Variants in ATP2B2 observed in about 807,000 individuals in gnomAD.
ATP2B2 encodes the protein plasma membrane calcium-transporting ATPase 2.
Under a neutral mutation model 120.0 loss-of-function variants are expected in ATP2B2, and 15 were observed. That is an observed-to-expected ratio of 0.12 (90% CI 0.08 to 0.19). The LOEUF is 0.19. ATP2B2 is among the 10% of genes least tolerant of loss of function. The pLI, the probability that ATP2B2 is intolerant of heterozygous loss-of-function variation, is 1.00. For missense variants in ATP2B2, 1,045 were observed against 1,719.8 expected (o/e 0.61, Z 6.94); for synonymous variants, 694 against 700.3 (o/e 0.99, Z 0.14).
chr3:10,457,079 G>T (rs1043382017), intron 1 of ATP2B2, among the ~76,000 whole-genome samples: 1 of 152,172 alleles, frequency 6.6e-6, no homozygotes, highest in Non-Finnish European at 1.5e-5. Flanking sequence ...AAGCAGGCAT[G>T]CCAATGTGAG....
chr3:10,449,381 C>T lies in ATP2B2; in HGVS notation c.163G>A (p.Ala55Thr). 3 of 1,614,258 alleles carry T rather than the reference C, an allele frequency of 1.9e-6. No homozygotes were observed. Among genetic ancestry groups the T allele is most frequent in the South Asian group, 2.2e-5 (2 of 91,088 alleles). The change falls in exon 2 of 23, where the codon GCC (alanine) becomes ACC (threonine). Residue 55 changes from alanine to threonine, a missense_variant. Physicochemically the swap from Ala to Thr is moderately conservative, Grantham distance 58 (BLOSUM62 0). Around this residue, in one of 11 missense-constraint regions of ATP2B2, gnomAD observed 139 missense variants for 134.2 expected, o/e 1.04. Coordinates refer to ENST00000360273, the MANE Select transcript of ATP2B2 (RefSeq NM_001001331.4). ...KIKETYGDTE[A>T]ICRRLKTSPV... The stretch of plus-strand genomic sequence containing the variant: ...GAGGTTTTGAGGCGCCGGCAGATGG[C>T]TTCGGTGTCCCCATAAGTCTCCTTG...
intron 1 of ATP2B2, among the ~76,000 whole-genome samples, chr3:10,629,123 A>G (rs2069791037): frequency 6.6e-6 from 1 of 152,144 alleles, no homozygotes; most frequent in Non-Finnish European, 1.5e-5. Flanking sequence ...CTTCGGGGCC[A>G]TTTCAAACAG....
intron 3 of ATP2B2, among the ~76,000 whole-genome samples, chr3:10,533,622 G>A (rs1344613382): frequency 6.6e-6 from 1 of 152,246 alleles, no homozygotes; most frequent in Non-Finnish European, 1.5e-5. Context: ...GCAGGCTGGG[G>A]CATGGCCCAG....
intron 12 of ATP2B2, among the ~76,000 whole-genome samples, chr3:10,371,250 G>A (rs913477982): frequency 4.6e-5 from 7 of 152,246 alleles, no homozygotes; most frequent in Non-Finnish European, 8.8e-5. Context: ...TTGTCGCCAT[G>A]TGAACAAGCC....
chr3:10,464,019 AC>A (rs1039409060), intron 1 of ATP2B2, among the ~76,000 whole-genome samples: 1 of 151,990 alleles, frequency 6.6e-6, no homozygotes, highest in Non-Finnish European at 1.5e-5. Context: ...CAGACCCCAG[AC>A]CCCAGACCCT....
At chr3:10,547,206 G>C (rs1044377210) in intron 2 of ATP2B2, among the ~76,000 whole-genome samples, 2 of 152,122 alleles carry the variant, frequency 1.3e-5, no homozygotes, top group African/African-American at 4.8e-5. Context: ...GGAAATAGCA[G>C]TGGGCTGGGA....
intron 12 of ATP2B2, among the ~76,000 whole-genome samples, chr3:10,361,182 T>A (rs1020446255): frequency 6.6e-6 from 1 of 152,196 alleles, no homozygotes; most frequent in Non-Finnish European, 1.5e-5. Context: ...GAAACTGCTA[T>A]TTTTGAATGT....
intron 2 of ATP2B2, among the ~76,000 whole-genome samples, chr3:10,602,329 A>G (rs1302546494): frequency 6.6e-6 from 1 of 152,186 alleles, no homozygotes; most frequent in Non-Finnish European, 1.5e-5. Context: ...AGTTTCTAAG[A>G]TGACGGCTGG....
In ATP2B2 at chr3:10,357,784, G is replaced by C. The variant is rs143320319; in HGVS notation, c.2136+907C>G. Among the ~76,000 whole-genome samples, 134 of 152,272 alleles carry C rather than the reference G, an allele frequency of 8.8e-4. 1 individual carries two copies. Among genetic ancestry groups the C allele is most frequent in the African/African-American group, 3.2e-3 (131 of 41,566 alleles). On this transcript the variant is annotated intron_variant, in intron 14 of 22. Coordinates refer to ENST00000360273, the MANE Select transcript of ATP2B2 (RefSeq NM_001001331.4). ...GCCTCATGCCCATGGTGCTCCCCTG[G>C]GGCCTCACAGTGTGAGCTGACTCAC...
At position 10,361,527 on chromosome 3, in the gene ATP2B2, G is replaced by A. The variant is rs141388454; in HGVS notation, c.1660-1404C>T. Among the ~76,000 whole-genome samples the A allele has an allele frequency of 2.9e-3, 447 of 152,252 alleles. 5 individuals carry two copies. The highest frequency in any genetic ancestry group is 0.01 in the African/African-American group (422 of 41,538). On this transcript the variant is annotated intron_variant, in intron 12 of 22. Transcript: ENST00000360273. Reference sequence around the variant, plus strand: ...GCTTCATGCTGGCCCTGTGCCCGCCGCAGGGCCGTGTGAACACCATTAGCT... The same window carrying A: ...GCTTCATGCTGGCCCTGTGCCCGCCACAGGGCCGTGTGAACACCATTAGCT...
intron 8 of ATP2B2, among the ~76,000 whole-genome samples, chr3:10,382,396 G>C (rs1468662143): frequency 1.3e-5 from 2 of 151,514 alleles, no homozygotes; most frequent in Non-Finnish European, 2.9e-5. Context: ...TCCTAGGCTG[G>C]AGTGCAGTGG....
chr3:10,367,170 G>A (rs1402423686), intron 12 of ATP2B2, among the ~76,000 whole-genome samples: 1 of 152,112 alleles, frequency 6.6e-6, no homozygotes, highest in East Asian at 1.9e-4. Flanking sequence ...TTCTGGCCCT[G>A]CAGAAATGCC....
intron 1 of ATP2B2, among the ~76,000 whole-genome samples, chr3:10,472,197 A>C (rs1447407811): frequency 8.4e-6 from 1 of 119,702 alleles, no homozygotes; most frequent in Admixed American, 8.2e-5. Context: ...AGACCGAAGC[A>C]GGAAGATGGG....
intron 1 of ATP2B2, among the ~76,000 whole-genome samples, chr3:10,670,684 G>A (rs548892408): frequency 6.6e-6 from 1 of 152,288 alleles, no homozygotes; most frequent in Non-Finnish European, 1.5e-5. Flanking sequence ...GCCTCCCAAA[G>A]TGCTGGGATT....
rs17787125 is a variant in ATP2B2 at position 10,475,873 on chromosome 3, A to C, written c.-319-26011T>G. ...CTTGAGTTGGATGCTGGGGACTTGA[A>C]GGTGATTCAGACAAAAGCTCTGTCC... On this transcript the variant is annotated intron_variant, in intron 1 of 22. Coordinates refer to ENST00000360273, the MANE Select transcript of ATP2B2 (RefSeq NM_001001331.4). Among the ~76,000 whole-genome samples, 421 of 152,274 alleles carry C rather than the reference A, an allele frequency of 2.8e-3. 1 individual carries two copies. The highest frequency in any genetic ancestry group is 4.8e-3 in the Non-Finnish European group (329 of 68,024).
In ATP2B2 at chr3:10,449,801, C is replaced by T; in HGVS notation, c.-258G>A. The T allele has an allele frequency of 1.8e-6, 1 of 546,106 alleles. No homozygotes were observed. The highest frequency in any genetic ancestry group is 3.3e-6 in the Non-Finnish European group (1 of 302,478). The allele number at this position is 546,106 out of a possible 1,614,324, so 33.8% of individuals were successfully genotyped here. On this transcript the variant is annotated 5_prime_UTR_variant, in exon 2 of 23. An upstream start codon of the reference 5' UTR is lost. Coordinates refer to ENST00000360273, the MANE Select transcript of ATP2B2 (RefSeq NM_001001331.4). ...TCAGGGCTGTAGACCCAGGAGTCTC[C>T]ATTCAGTGGGGCCCATGCTGCTCCC...
At chr3:10,431,680 T>A (rs931843878) in intron 2 of ATP2B2, among the ~76,000 whole-genome samples, 1 of 151,758 alleles carries the variant, frequency 6.6e-6, no homozygotes, top group Non-Finnish European at 1.5e-5. Flanking sequence ...TACCCTTTTA[T>A]CTCCAGGGCC....
intron 1 of ATP2B2, among the ~76,000 whole-genome samples, chr3:10,459,064 T>C (rs2064378951): frequency 6.6e-6 from 1 of 152,198 alleles, no homozygotes; most frequent in Non-Finnish European, 1.5e-5. Context: ...CTAGCAGAAA[T>C]GGACATCCCA....
chr3:10,697,188 C>T (rs1836288), intron 1 of ATP2B2, among the ~76,000 whole-genome samples: 2 of 151,932 alleles, frequency 1.3e-5, no homozygotes, highest in South Asian at 2.1e-4. Context: ...CACTGCACCA[C>T]GCCTTTCCTA....
Sources: gnomAD v4.1 joint callset for allele counts (sites outside exome capture counted in the v4.1 genomes callset) on GRCh38, gnomAD v4.1.1 for gene constraint, gnomAD v4.1.1 regional missense constraint, MANE v1.5 for transcripts, NCBI Gene and HGNC (gene_info 2026-07-23, HGNC 2026-07-21) for gene names.